The following HNMT variants were observed in gnomAD, a reference collection of about 807,000 sequenced individuals.
HNMT encodes histamine N-methyltransferase.
HNMT carries 30 observed loss-of-function variants against 32.1 expected under a neutral mutation model. The ratio of observed to expected loss-of-function variants is 0.93; its 90% CI spans 0.70 to 1.27. The LOEUF is 1.27. Ranked by LOEUF, HNMT falls within the 50% of genes most tolerant of loss-of-function variation. The pLI, the probability that HNMT is intolerant of heterozygous loss-of-function variation, is 0.00. For synonymous variants in HNMT, 125 were observed against 119.0 expected, an observed-to-expected ratio of 1.05 and a Z score of -0.33; for missense variants, 327 against 346.0, an observed-to-expected ratio of 0.95 and a Z score of 0.43.
At chr2:138,009,636 A>G (rs1681433543) in intron 5 of HNMT, among the ~76,000 whole-genome samples, 1 of 152,104 alleles carries the variant, frequency 6.6e-6, no homozygotes, top group Admixed American at 6.6e-5. Context: ...AGTTTCCAAC[A>G]TTGGAAACAA....
intron 2 of HNMT, among the ~76,000 whole-genome samples, chr2:137,990,026 T>A (rs1409933985): frequency 6.6e-6 from 1 of 152,200 alleles, no homozygotes; most frequent in Non-Finnish European, 1.5e-5. Flanking sequence ...AATTATTTTC[T>A]TTCATGCTTG....
chr2:137,992,319 T>C (rs1680846044), intron 2 of HNMT, among the ~76,000 whole-genome samples: 2 of 152,152 alleles, frequency 1.3e-5, no homozygotes. Context: ...CAAAGCTCCC[T>C]GGGCAGGGGA....
In HNMT at chr2:137,964,835, CTCCCA is replaced by C. The variant is rs376499665; in HGVS notation, c.137+209_137+213del. On this transcript the variant is annotated intron_variant, in intron 1 of 5. Transcript: ENST00000280097. Reference sequence around the variant, plus strand: ...CACGTTTGCTTTGAACACTCAAAGGCTCCCATTTGTGTTGTATTTCCAGCTGCATA... The same window carrying C: ...CACGTTTGCTTTGAACACTCAAAGGCTTTGTGTTGTATTTCCAGCTGCATA... 2.4e-3 allele frequency among the ~76,000 whole-genome samples: 370 copies of C among 152,254 alleles called. 2 individuals carry two copies. Among genetic ancestry groups the C allele is most frequent in the African/African-American group, 8.6e-3 (357 of 41,550 alleles).
chr2:138,001,086 T>G, intron 3 of HNMT, 61 bp downstream of exon 3: 1 of 793,668 alleles, frequency 1.3e-6, no homozygotes, highest in Non-Finnish European at 2.1e-6. Flanking sequence ...ACTCAAATTG[T>G]TCCCTTGAAT....
chr2:138,008,543 T>TA (rs1681398426), intron 5 of HNMT, among the ~76,000 whole-genome samples: 1 of 151,834 alleles, frequency 6.6e-6, no homozygotes, highest in Non-Finnish European at 1.5e-5. Context: ...GGGGGTACAA[T>TA]AACCAAACAG....
rs567365836 is a variant in HNMT at position 137,969,274 on chromosome 2, A to G, written c.138-891A>G. ...TGCATCACCATCCACTACTACTATA[A>G]CTCTGCAATATCTTTGGGTGATGGA... On this transcript the variant is annotated intron_variant, in intron 1 of 5. Transcript: ENST00000280097. Among the ~76,000 whole-genome samples, 47 of 152,096 alleles carry G rather than the reference A, an allele frequency of 3.1e-4. 1 individual carries two copies. The highest frequency in any genetic ancestry group is 1.1e-3 in the African/African-American group (45 of 41,470).
chr2:138,014,017 C>T lies in HNMT; in HGVS notation c.766C>T (p.Pro256Ser). 6.2e-7 allele frequency: 1 copy of T among 1,613,004 alleles called. No homozygotes were observed. Among genetic ancestry groups the T allele is most frequent in the Non-Finnish European group, 8.5e-7 (1 of 1,179,094 alleles). Reference protein sequence around the residue: ...ETCNFNATAPPDLRAELGKDL... With the variant: ...ETCNFNATAPSDLRAELGKDL... ...CTGCAACTTTAATGCCACAGCACCA[C>T]CTGATCTCAGAGCAGAGCTTGGGAA... The change falls in exon 6 of 6, where the codon CCT becomes TCT. Residue 256 changes from proline to serine, a missense_variant. Physicochemically the swap from Pro to Ser is moderately conservative, Grantham distance 74. Transcript: ENST00000280097.
rs145604304 is a variant in HNMT, at chr2:138,009,137, A to G, written c.523+3912A>G. 6.3e-3 allele frequency among the ~76,000 whole-genome samples: 954 copies of G among 152,240 alleles called. 10 individuals carry two copies. The highest frequency in any genetic ancestry group is 0.021 in the African/African-American group (886 of 41,560). ...GAAGACAGAGATGTGGCCAAGAAGC[A>G]TTTGAAAAAAAGCTCAACATCACTG... On this transcript the variant is annotated intron_variant, in intron 5 of 5. Transcript: ENST00000280097.
At chr2:137,976,752 T>C (rs1380878138) in intron 2 of HNMT, among the ~76,000 whole-genome samples, 2 of 152,214 alleles carry the variant, frequency 1.3e-5, no homozygotes, top group African/African-American at 4.8e-5. Flanking sequence ...TGGGGCATCA[T>C]TTTATTAAAG....
intron 2 of HNMT, among the ~76,000 whole-genome samples, chr2:137,979,863 A>C (rs1573650629): frequency 6.6e-6 from 1 of 152,078 alleles, no homozygotes; most frequent in Admixed American, 6.6e-5. Context: ...ATTTTTAGCC[A>C]GAGAGAGAAA....
chr2:138,010,855 G>C (rs954224681), intron 5 of HNMT, among the ~76,000 whole-genome samples: 4 of 152,012 alleles, frequency 2.6e-5, no homozygotes, highest in Admixed American at 2.6e-4. Context: ...TTCTGCAAAT[G>C]TGATAGCCAA....
chr2:138,014,269 A>G lies in HNMT; in HGVS notation c.*139A>G. The G allele has an allele frequency of 3.3e-6, 2 of 609,022 alleles. No individual in the cohort carries two copies. Among genetic ancestry groups the G allele is most frequent in the Non-Finnish European group, 5.7e-6 (2 of 351,914 alleles). The allele number at this position is 609,022 out of a possible 1,614,324, so 37.7% of individuals were successfully genotyped here. On this transcript the variant is annotated 3_prime_UTR_variant, in exon 6 of 6. Coordinates refer to ENST00000280097, the MANE Select transcript of HNMT (RefSeq NM_006895.3). ...GATATGAGATGTAGCAAATTCCAAT[A>G]CATTATTGGACTTCCATTTGGAATC...
intron 2 of HNMT, among the ~76,000 whole-genome samples, chr2:137,973,219 C>T (rs73961904): frequency 0.019 from 2,856 of 152,166 alleles, 97 homozygotes; most frequent in African/African-American, 0.065. Flanking sequence ...GTGTCTGTTG[C>T]TTGAAAGAAC....
intron 2 of HNMT, among the ~76,000 whole-genome samples, chr2:137,974,848 C>T (rs60632305): frequency 2.0e-5 from 3 of 151,930 alleles, no homozygotes; most frequent in Non-Finnish European, 4.4e-5. Flanking sequence ...GTGTTATCAA[C>T]CCTCATAATA....
chr2:138,008,904 T>TG (rs2104986623), intron 5 of HNMT, among the ~76,000 whole-genome samples: 1 of 152,080 alleles, frequency 6.6e-6, no homozygotes, highest in East Asian at 1.9e-4. Flanking sequence ...CATTGGCAAA[T>TG]GGCATCTCAT....
At chr2:138,008,225 T>G (rs147380921) in intron 5 of HNMT, among the ~76,000 whole-genome samples, 17 of 152,080 alleles carry the variant, frequency 1.1e-4, no homozygotes, top group Middle Eastern at 3.4e-3. Flanking sequence ...CCACTTATAA[T>G]TGAGAACATG....
intron 1 of HNMT, among the ~76,000 whole-genome samples, chr2:137,966,928 C>G (rs1376596988): frequency 2.6e-5 from 4 of 151,968 alleles, no homozygotes; most frequent in African/African-American, 9.7e-5. Flanking sequence ...CCTTTGTTTC[C>G]TGAACAATTC....
Position 137,964,752 on chromosome 2 carries a change from T to A in HNMT, c.137+124T>A, listed in dbSNP as rs1199672795. ...ATAAGGGCGAATTACTGATAGCAGC[T>A]CCCCGTCGTCCCCTCCTCGCTGCCC... On this transcript the variant is annotated intron_variant, in intron 1 of 5. Coordinates refer to ENST00000280097, the MANE Select transcript of HNMT (RefSeq NM_006895.3). The A allele has an allele frequency of 1.5e-5, 13 of 864,702 alleles. No homozygotes were observed. The African/African-American group carries it at 2.0e-4, about 13-fold the overall frequency. The allele number at this position is 864,702 out of a possible 1,614,324, so 53.6% of individuals were successfully genotyped here. A position where few individuals can be genotyped will look rare whatever the true frequency, so the allele number is the denominator to read the frequency against.
chr2:137,991,070 G>A lies in HNMT; in HGVS notation c.191-9848G>A, dbSNP rs139925349. Among the ~76,000 whole-genome samples the A allele has an allele frequency of 1.3e-3, 199 of 152,276 alleles. 1 individual carries two copies. The highest frequency in any genetic ancestry group is 4.5e-3 in the African/African-American group (188 of 41,550). ...ACTAAAGTGGTTCACAGAACTCAGG[G>A]AAACTGGCTTAATTTGCTGGTTTAT... On this transcript the variant is annotated intron_variant, in intron 2 of 5. Coordinates refer to ENST00000280097, the MANE Select transcript of HNMT (RefSeq NM_006895.3).
Sources: gnomAD v4.1 joint callset for allele counts (sites outside exome capture counted in the v4.1 genomes callset) on GRCh38, gnomAD v4.1.1 for gene constraint, MANE v1.5 for transcripts, NCBI Gene and HGNC (gene_info 2026-07-23, HGNC 2026-07-21) for gene names.